The following SLC25A21 variants were observed in gnomAD, a reference collection of about 807,000 sequenced individuals.
SLC25A21 encodes the protein mitochondrial 2-oxodicarboxylate carrier.
A neutral mutation model predicts 43.8 loss-of-function variants in SLC25A21; 47 were observed. The ratio of observed to expected loss-of-function variants is 1.07; its 90% CI spans 0.85 to 1.37. The LOEUF is 1.37. Among genes scored for constraint, SLC25A21 ranks in the 40% most tolerant of loss-of-function variants. The probability of loss-of-function intolerance (pLI) is 0.00; values close to 1 mark genes in which losing one functional copy is unlikely to be tolerated. For synonymous variants in SLC25A21, 131 were observed against 121.3 expected (o/e 1.08, Z -0.52); for missense variants, 352 against 350.2 (o/e 1.00, Z -0.04).
At chr14:36,771,111 CTT>C (rs1255910267) in intron 3 of SLC25A21, among the ~76,000 whole-genome samples, 2 of 152,194 alleles carry the variant, frequency 1.3e-5, no homozygotes, top group African/African-American at 4.8e-5. Flanking sequence ...AGAATAATCT[CTT>C]GTTAGATCAA....
intron 2 of SLC25A21, among the ~76,000 whole-genome samples, chr14:36,822,685 T>C (rs556248430): frequency 2.2e-4 from 34 of 152,208 alleles, no homozygotes; most frequent in Non-Finnish European, 4.0e-4. Context: ...ATTTTGAACA[T>C]GTTTTTTAAC....
At chr14:36,789,873 TATATATTTATATA>T (rs1374007322) in intron 3 of SLC25A21, among the ~76,000 whole-genome samples, 1 of 115,140 alleles carries the variant, frequency 8.7e-6, no homozygotes, top group Non-Finnish European at 1.7e-5. Context: ...AAAAATATAT[TATATATTTATATA>T]AAATATATAT....
intron 1 of SLC25A21, among the ~76,000 whole-genome samples, chr14:36,984,889 C>A (rs996796287): frequency 6.6e-6 from 1 of 151,530 alleles, no homozygotes; most frequent in Non-Finnish European, 1.5e-5. Flanking sequence ...ATGTTTATTG[C>A]AGCATTATTC....
At chr14:36,971,581 C>A (rs1020980207) in intron 1 of SLC25A21, among the ~76,000 whole-genome samples, 1 of 152,060 alleles carries the variant, frequency 6.6e-6, no homozygotes, top group Non-Finnish European at 1.5e-5. Flanking sequence ...CCTATAAAAT[C>A]TGCTATGGTC....
chr14:36,874,958 G>A lies in SLC25A21; in HGVS notation c.117C>T (p.Thr39=), dbSNP rs1248076665. ...AACTTGTTCATGCAGAACCTTACCT[G>A]GTTTTCACCACATCTAGGGGGTGCA... is the stretch of plus-strand genomic sequence containing the variant. The part of the protein sequence containing the change: ...CLMHPLDVVK[T]RFQIQRCATD... The change falls in exon 2 of 10, where the codon ACC becomes ACT. Residue 39 remains threonine, a splice_region_variant and synonymous_variant. Transcript: ENST00000331299. 6.2e-7 allele frequency: 1 copy of A among 1,608,036 alleles called. No homozygotes were observed. Among genetic ancestry groups the A allele is most frequent in the Admixed American group, 1.7e-5 (1 of 59,344 alleles).
chr14:36,680,702 G>A lies in SLC25A21; in HGVS notation c.856C>T (p.Leu286=), dbSNP rs757849839. The change falls in exon 10 of 10, where the codon CTG becomes TTG. Residue 286 remains leucine (L), a synonymous_variant. Coordinates refer to ENST00000331299, the MANE Select transcript of SLC25A21 (RefSeq NM_030631.4). ...RLGPGGAVML[L]VYEYTYSWLQ... ...CATGAATAGGTGTATTCATAAACCA[G>A]CAGCATCACTGCACCACCTAGAAAA... The A allele has an allele frequency of 8.1e-6, 13 of 1,612,792 alleles. No homozygotes were observed. Among genetic ancestry groups the A allele is most frequent in the Non-Finnish European group, 2.5e-6 (3 of 1,179,496 alleles).
chr14:36,889,230 CA>C (rs1442544686), intron 1 of SLC25A21, among the ~76,000 whole-genome samples: 1 of 152,066 alleles, frequency 6.6e-6, no homozygotes, highest in Admixed American at 6.6e-5. Flanking sequence ...TATAGGCAGC[CA>C]TATAGTTTAA....
intron 3 of SLC25A21, among the ~76,000 whole-genome samples, chr14:36,777,902 T>G (rs1886895149): frequency 6.6e-6 from 1 of 152,234 alleles, no homozygotes; most frequent in Non-Finnish European, 1.5e-5. Context: ...GAACAGAATC[T>G]ATACTCACTA....
intron 1 of SLC25A21, among the ~76,000 whole-genome samples, chr14:36,981,208 G>A (rs1960013138): frequency 6.6e-6 from 1 of 152,164 alleles, no homozygotes; most frequent in South Asian, 2.1e-4. Flanking sequence ...GAGAAGATGT[G>A]GAGAAATAGG....
intron 1 of SLC25A21, among the ~76,000 whole-genome samples, chr14:36,890,239 C>T (rs1891038368): frequency 6.6e-6 from 1 of 152,094 alleles, no homozygotes; most frequent in African/African-American, 2.4e-5. Context: ...CATTTGAGGC[C>T]AATCGTCATG....
intron 3 of SLC25A21, among the ~76,000 whole-genome samples, chr14:36,805,559 T>C (rs1247846595): frequency 1.3e-5 from 2 of 152,156 alleles, no homozygotes; most frequent in Non-Finnish European, 2.9e-5. Flanking sequence ...CCAGCAACTG[T>C]GTGGCTTAGC....
intron 1 of SLC25A21, among the ~76,000 whole-genome samples, chr14:37,073,587 T>C (rs1028009383): frequency 2.0e-5 from 3 of 152,118 alleles, no homozygotes; most frequent in Non-Finnish European, 2.9e-5. Flanking sequence ...TAATCTATTT[T>C]ATGTAATTTA....
At chr14:36,899,178 C>T (rs773742396) in intron 1 of SLC25A21, among the ~76,000 whole-genome samples, 2 of 151,990 alleles carry the variant, frequency 1.3e-5, no homozygotes, top group Non-Finnish European at 2.9e-5. Flanking sequence ...TTGCTTCAGG[C>T]CAGGTGCTCA....
chr14:36,700,684 G>C (rs1192745702), intron 7 of SLC25A21, among the ~76,000 whole-genome samples: 2 of 152,132 alleles, frequency 1.3e-5, no homozygotes, highest in African/African-American at 4.8e-5. Context: ...CTAAAGAAAA[G>C]GGATATGCCA....
At chr14:37,022,853 A>G (rs1427684349) in intron 1 of SLC25A21, among the ~76,000 whole-genome samples, 2 of 152,040 alleles carry the variant, frequency 1.3e-5, no homozygotes, top group Non-Finnish European at 2.9e-5. Context: ...CTACCACACA[A>G]TCGTCTTCAA....
intron 7 of SLC25A21, among the ~76,000 whole-genome samples, chr14:36,685,531 T>C (rs1882498819): frequency 1.3e-5 from 2 of 152,236 alleles, no homozygotes; most frequent in South Asian, 4.1e-4. Flanking sequence ...CTGTGCATTA[T>C]AAACAGTAGT....
At chr14:36,823,751 A>G (rs1436879806) in intron 2 of SLC25A21, among the ~76,000 whole-genome samples, 1 of 152,158 alleles carries the variant, frequency 6.6e-6, no homozygotes, top group African/African-American at 2.4e-5. Context: ...TTGACGCCCC[A>G]ACCCAAAAAA....
At chr14:36,927,506 A>T (rs1892163764) in intron 1 of SLC25A21, among the ~76,000 whole-genome samples, 1 of 152,162 alleles carries the variant, frequency 6.6e-6, no homozygotes, top group South Asian at 2.1e-4. Context: ...TTTTCCTCAG[A>T]AACACTAAGG....
intron 1 of SLC25A21, among the ~76,000 whole-genome samples, chr14:36,884,801 C>T (rs1890866435): frequency 6.6e-6 from 1 of 151,914 alleles, no homozygotes; most frequent in South Asian, 2.1e-4. Context: ...TCTTCAAGTC[C>T]CTTGCTCATT....
Sources: allele counts gnomAD v4.1 joint callset (sites outside exome capture counted in the v4.1 genomes callset), GRCh38; gene constraint gnomAD v4.1.1; transcripts MANE v1.5; gene names NCBI Gene and HGNC (gene_info 2026-07-23, HGNC 2026-07-21).